The following MTA1 variants were observed in gnomAD, a reference collection of about 807,000 sequenced individuals.
MTA1 encodes metastasis associated 1.
In MTA1, 15 loss-of-function variants were observed where a neutral mutation model predicts 97.0. The ratio of observed to expected loss-of-function variants is 0.15; its 90% confidence interval spans 0.10 to 0.24. MTA1 has a LOEUF of 0.24. Among genes scored for constraint, MTA1 ranks in the 10% least tolerant of loss-of-function variants. The pLI, the probability that MTA1 is intolerant of heterozygous loss-of-function variation, is 1.00. For synonymous variants in MTA1, 435 were observed against 417.5 expected (o/e 1.04, Z -0.51); for missense variants, 709 against 1,015.1 (o/e 0.70, Z 4.10).
intron 7 of MTA1, among the ~76,000 whole-genome samples, chr14:105,457,677 A>G (rs2083203673): frequency 2.0e-5 from 3 of 152,212 alleles, no homozygotes; most frequent in African/African-American, 2.4e-5. Context: ...TATGATCCCA[A>G]CACTTTGGGA....
Position 105,445,780 on chromosome 14 carries a change from G to A in MTA1, c.190+269G>A, listed in dbSNP as rs2082698719. The stretch of plus-strand genomic sequence containing the variant: ...ATCCTCTGCAAGCTTGTCATGGTGT[G>A]GCTGGGTGTGGGCATCATTGATCGA... On this transcript the variant is annotated intron_variant, in intron 3 of 20. Coordinates refer to ENST00000331320, the MANE Select transcript of MTA1 (RefSeq NM_004689.4). 4 of 581,634 alleles carry A rather than the reference G, an allele frequency of 6.9e-6. No homozygotes were observed. In the East Asian group the frequency reaches 1.4e-4, roughly 20 times the overall value. The allele number at this position is 581,634 out of a possible 1,614,324, so 36.0% of individuals were successfully genotyped here. A position where few individuals can be genotyped will look rare whatever the true frequency, so the allele number is the denominator to read the frequency against.
chr14:105,456,797 T>G (rs587742357), intron 7 of MTA1, among the ~76,000 whole-genome samples: 6 of 152,242 alleles, frequency 3.9e-5, no homozygotes, highest in African/African-American at 1.4e-4. Flanking sequence ...CTGAGCCAGG[T>G]GAGGAGTCCA....
At position 105,444,353 on chromosome 14, in the gene MTA1, C is replaced by T. The variant is rs146335436; in HGVS notation, c.97-1065C>T. On this transcript the variant is annotated intron_variant, in intron 2 of 20. Transcript: ENST00000331320. ...TTGCACCACTGCACTCCAGCCTGGG[C>T]GACAGAGCAAGACTCTGTCTCAAAA... 7.3e-4 allele frequency among the ~76,000 whole-genome samples: 111 copies of T among 151,870 alleles called. 1 individual carries two copies. In the East Asian group the frequency reaches 9.5e-3, roughly 13 times the overall value.
Position 105,469,480 on chromosome 14 carries a change from C to A in MTA1, c.1827C>A (p.His609Gln). The A allele has an allele frequency of 6.2e-7, 1 of 1,612,952 alleles. No individual in the cohort carries two copies. The highest frequency in any genetic ancestry group is 8.5e-7 in the Non-Finnish European group (1 of 1,179,828). ...ATTTCTCATCAGGTCTGGCAAACCA[C>A]GGACAGGCCAGGCACATGGTAAGAG... The part of the protein sequence containing the change: ...LLMPSRGLAN[H>Q]GQARHMGPSR... Residue 609 changes from histidine (H) to glutamine (Q), a missense_variant, in exon 19 of 21, where the codon CAC becomes CAA. Coordinates refer to ENST00000331320, the MANE Select transcript of MTA1 (RefSeq NM_004689.4).
At chr14:105,459,066 G>C (rs1283830293) in intron 8 of MTA1, among the ~76,000 whole-genome samples, 1 of 146,520 alleles carries the variant, frequency 6.8e-6, no homozygotes, top group Non-Finnish European at 1.5e-5. Context: ...CTGTGTGCCT[G>C]GGGGGAGTCC....
At chr14:105,441,666 C>T (rs587720413) in intron 2 of MTA1, among the ~76,000 whole-genome samples, 2,234 of 152,168 alleles carry the variant, frequency 0.015, 35 homozygotes, top group Middle Eastern at 0.024. Context: ...TGGTGGCGGG[C>T]GCCTGTGATC....
At chr14:105,450,027 G>T (rs372091992) in intron 4 of MTA1, 31 bp from the exon 5 acceptor site, 4 of 1,613,124 alleles carry the variant, frequency 2.5e-6, no homozygotes, top group Admixed American at 3.3e-5. Flanking sequence ...TGCGTCTGCC[G>T]CGGTGCTGAC....
intron 3 of MTA1, among the ~76,000 whole-genome samples, chr14:105,446,238 C>A (rs975282467): frequency 1.3e-5 from 2 of 152,202 alleles, no homozygotes; most frequent in Admixed American, 6.5e-5. Context: ...CAGTGTGGTA[C>A]CCCACTGAGG....
At chr14:105,441,799 A>T (rs1595330267) in intron 2 of MTA1, among the ~76,000 whole-genome samples, 1 of 152,270 alleles carries the variant, frequency 6.6e-6, no homozygotes, top group Admixed American at 6.5e-5. Context: ...GTCTCAAAAA[A>T]ATAAAAAAGT....
chr14:105,425,097 G>T (rs1278786098), intron 1 of MTA1, among the ~76,000 whole-genome samples: 6 of 152,208 alleles, frequency 3.9e-5, no homozygotes, highest in Admixed American at 6.5e-5. Context: ...GAGGCGGCTT[G>T]GGGGAGCACT....
At chr14:105,446,983 G>A (rs1469694699) in intron 3 of MTA1, among the ~76,000 whole-genome samples, 3 of 152,234 alleles carry the variant, frequency 2.0e-5, no homozygotes, top group Non-Finnish European at 2.9e-5. Flanking sequence ...TGCTGCACTC[G>A]GCGGGCTCCA....
intron 6 of MTA1, among the ~76,000 whole-genome samples, chr14:105,450,969 C>A (rs57251496): frequency 6.6e-6 from 1 of 152,166 alleles, no homozygotes; most frequent in Non-Finnish European, 1.5e-5. Flanking sequence ...TGTGTTGGTT[C>A]CCTGGAGTGC....
chr14:105,465,436 G>A (rs1178470675), intron 16 of MTA1: 1 of 342,390 alleles, frequency 2.9e-6, no homozygotes, highest in African/African-American at 2.1e-5. Flanking sequence ...TCTTCTGCGG[G>A]GCCAGCCTCC....
rs377680327 is a variant in MTA1 at position 105,466,696 on chromosome 14, G to C, written c.1778-11G>C. On this transcript the variant is annotated splice_polypyrimidine_tract_variant and intron_variant, in intron 17 of 20. Coordinates refer to ENST00000331320, the MANE Select transcript of MTA1 (RefSeq NM_004689.4). ...GTCTTCTCTCCCTCTCTCCCACCCCGGCGCTGCCAGGCAACATGAAGAAGC... is the reference window on the plus strand; with the variant it reads ...GTCTTCTCTCCCTCTCTCCCACCCCCGCGCTGCCAGGCAACATGAAGAAGC... The C allele has an allele frequency of 3.1e-6, 5 of 1,603,988 alleles. No individual in the cohort carries two copies. The highest frequency in any genetic ancestry group is 4.2e-6 in the Non-Finnish European group (5 of 1,176,652).
At chr14:105,462,612 C>T (rs2083400226) in intron 10 of MTA1, among the ~76,000 whole-genome samples, 1 of 149,600 alleles carries the variant, frequency 6.7e-6, no homozygotes, top group Non-Finnish European at 1.5e-5. Flanking sequence ...GTGGCTTATG[C>T]CTATAATCCC....
rs1555421065 is a variant in MTA1, at chr14:105,422,009, A to G, written c.28+1946A>G. ...GGTCTCTTTTCCTGTGATGAGGAGCATGGGAGGTTGGGTGCTGTCTGCTGG... is the reference window on the plus strand; with the variant it reads ...GGTCTCTTTTCCTGTGATGAGGAGCGTGGGAGGTTGGGTGCTGTCTGCTGG... On this transcript the variant is annotated intron_variant, in intron 1 of 20. Transcript: ENST00000331320. This position sits in a 1 kb window ranked among gnomAD's most constrained non-coding sequence, Gnocchi z 4.3. Among the ~76,000 whole-genome samples, 3 of 152,190 alleles carry G rather than the reference A, an allele frequency of 2.0e-5. No individual in the cohort carries two copies.
chr14:105,469,037 C>T (rs1555433597), intron 18 of MTA1: 2 of 398,936 alleles, frequency 5.0e-6, no homozygotes, highest in South Asian at 3.5e-5. Context: ...TCTCTCAGAG[C>T]CTTAGGAAAA....
At chr14:105,455,678 C>T (rs782475558) in intron 7 of MTA1, among the ~76,000 whole-genome samples, 7 of 152,334 alleles carry the variant, frequency 4.6e-5, no homozygotes, top group East Asian at 1.9e-4. Flanking sequence ...CTTGATTGTC[C>T]GTAAGGTGCT....
rs781950385 is a variant in MTA1, at chr14:105,466,698, C to T, written c.1778-9C>T. ...CTTCTCTCCCTCTCTCCCACCCCGG[C>T]GCTGCCAGGCAACATGAAGAAGCGC... On this transcript the variant is annotated splice_polypyrimidine_tract_variant and intron_variant, in intron 17 of 20. Transcript: ENST00000331320. 19 of 1,604,286 alleles carry T rather than the reference C, an allele frequency of 1.2e-5. No homozygotes were observed. The highest frequency in any genetic ancestry group is 4.5e-5 in the South Asian group (4 of 89,528).
Sources: gnomAD v4.1 joint callset for allele counts (sites outside exome capture counted in the v4.1 genomes callset) on GRCh38, gnomAD v4.1.1 for gene constraint, Gnocchi (gnomAD v3.1) non-coding constraint, MANE v1.5 for transcripts, NCBI Gene and HGNC (gene_info 2026-07-23, HGNC 2026-07-21) for gene names.